The following MTM1 variants were observed in gnomAD, a reference collection of about 807,000 sequenced individuals.
MTM1 encodes the protein myotubularin 1.
MTM1 carries 9 observed loss-of-function variants against 52.1 expected under a neutral mutation model. That is an observed-to-expected ratio of 0.17 (90% CI 0.10 to 0.30). The LOEUF (loss-of-function observed/expected upper bound fraction) is 0.30, where lower values mean the gene tolerates loss of function less well. Ranked by LOEUF, MTM1 falls within the 10% of genes least tolerant of loss-of-function variation. MTM1 has a pLI of 1.00. For missense variants in MTM1, 277 were observed against 470.7 expected (o/e 0.59, Z 3.81); for synonymous variants, 136 against 163.8 (o/e 0.83, Z 1.29).
intron 6 of MTM1, among the ~76,000 whole-genome samples, chrX:150,626,747 A>C (rs2148471228): frequency 8.9e-6 from 1 of 111,934 alleles, no homozygotes. Context: ...GAAACAACTC[A>C]TTTTCAGAGG....
At chrX:150,615,812 C>G (rs1399403222) in intron 5 of MTM1, among the ~76,000 whole-genome samples, 2 of 112,017 alleles carry the variant, frequency 1.8e-5, no homozygotes, top group Non-Finnish European at 3.8e-5. Context: ...ATTATTAAAT[C>G]TTAACTGAAA....
At chrX:150,634,475 A>G (rs2039723028) in intron 6 of MTM1, among the ~76,000 whole-genome samples, 1 of 112,444 alleles carries the variant, frequency 8.9e-6, no homozygotes, top group African/African-American at 3.2e-5. Flanking sequence ...ATGACAAGTT[A>G]TATTCCCTAT....
intron 6 of MTM1, among the ~76,000 whole-genome samples, chrX:150,620,907 A>T (rs1354182645): frequency 1.8e-5 from 2 of 110,344 alleles, no homozygotes; most frequent in Non-Finnish European, 3.8e-5. Context: ...ACTTGAGGTC[A>T]GGAGTTCGAG....
At position 150,649,783 on chromosome X, in the gene MTM1, A is replaced by G; in HGVS notation, c.935A>G (p.His312Arg). 3.3e-6 allele frequency: 4 copies of G among 1,209,729 alleles called. No homozygotes were observed. Among genetic ancestry groups the G allele is most frequent in the East Asian group, 3.0e-5 (1 of 33,813 alleles). Residue 312 changes from histidine to arginine, a missense_variant, in exon 10 of 15, where the codon CAT becomes CGT. Physicochemically the swap from His to Arg is conservative, Grantham distance 29 (BLOSUM62 0). Around this residue, in one of 4 missense-constraint regions of MTM1, gnomAD observed 164 missense variants for 283.3 expected, o/e 0.58. Transcript: ENST00000370396. ...HNAELFFLDI[H>R]NIHVMRESLK... ...GCCGAACTTTTCTTCTTAGACATTCATAATATTCATGTTATGCGGGAATCT... is the reference window on the plus strand; with the variant it reads ...GCCGAACTTTTCTTCTTAGACATTCGTAATATTCATGTTATGCGGGAATCT...
At chrX:150,632,370 G>A (rs1557413596) in intron 6 of MTM1, among the ~76,000 whole-genome samples, 1 of 112,077 alleles carries the variant, frequency 8.9e-6, no homozygotes, top group Admixed American at 9.4e-5. Context: ...CAGCGTGCAT[G>A]TGGGGGTACC....
chrX:150,625,464 G>GTATTCTTATTAA (rs2039551881), intron 6 of MTM1, among the ~76,000 whole-genome samples: 1 of 111,775 alleles, frequency 8.9e-6, no homozygotes, highest in East Asian at 2.8e-4. Context: ...ATATAGATTA[G>GTATTCTTATTAA]TATTCTTATT....
At chrX:150,592,546 A>G in intron 1 of MTM1, 59 bp from the exon 2 acceptor site, 1 of 895,795 alleles carries the variant, frequency 1.1e-6, no homozygotes. Flanking sequence ...CTCAGATGTC[A>G]CATATGTTTG....
chrX:150,565,998 A>G (rs1036944377), upstream of MTM1, among the ~76,000 whole-genome samples: 13 of 103,731 alleles, frequency 1.3e-4, no homozygotes, highest in Admixed American at 1.4e-3. Context: ...ATTCCTACAC[A>G]CACACACACA....
In MTM1 at chrX:150,655,215, C is replaced by T. The variant is rs374607443; in HGVS notation, c.1054-2606C>T. 3.2e-3 allele frequency among the ~76,000 whole-genome samples: 342 copies of T among 108,100 alleles called. 2 individuals carry two copies. Among genetic ancestry groups the T allele is most frequent in the African/African-American group, 0.011 (317 of 29,571 alleles). The allele number at this position is 108,100 out of a possible 115,157, so 93.9% of individuals were successfully genotyped here. On this transcript the variant is annotated intron_variant, in intron 10 of 14. Coordinates refer to ENST00000370396, the MANE Select transcript of MTM1 (RefSeq NM_000252.3). ...TGGCGGGTGCCTGTAGTCCCAGCTA[C>T]TCGGGAGGCTGAGGCAGGAGAATGG...
At chrX:150,583,761 A>T (rs1201909066) in intron 1 of MTM1, among the ~76,000 whole-genome samples, 15 of 47,283 alleles carry the variant, frequency 3.2e-4, no homozygotes, top group African/African-American at 1.2e-3. Context: ...TATATATTAA[A>T]TTAATATATA....
In MTM1 at chrX:150,569,887, T is replaced by A. The variant is rs184537438; in HGVS notation, c.-11+1225T>A. Among the ~76,000 whole-genome samples, 623 of 112,114 alleles carry A rather than the reference T, an allele frequency of 5.6e-3. 3 individuals carry two copies. The highest frequency in any genetic ancestry group is 0.019 in the African/African-American group (596 of 30,833). On this transcript the variant is annotated intron_variant, in intron 1 of 14. Transcript: ENST00000370396. Reference sequence around the variant, plus strand: ...GGGCACGATCATGTATTCACCAGATTTGATTCTGAATGGCTTTTGGCTGCT... The same window carrying A: ...GGGCACGATCATGTATTCACCAGATATGATTCTGAATGGCTTTTGGCTGCT...
At chrX:150,635,387 C>A (rs2039738601) in intron 6 of MTM1, among the ~76,000 whole-genome samples, 1 of 111,406 alleles carries the variant, frequency 9.0e-6, no homozygotes, top group Non-Finnish European at 1.9e-5. Context: ...CAAAATTGAC[C>A]CAAGGTTATA....
intron 6 of MTM1, among the ~76,000 whole-genome samples, chrX:150,629,785 C>T (rs1308531538): frequency 9.0e-6 from 1 of 111,563 alleles, no homozygotes; most frequent in Non-Finnish European, 1.9e-5. Context: ...ATCTCCCTCC[C>T]GGCACACTTC....
chrX:150,599,847 T>G (rs2039039511), intron 4 of MTM1, among the ~76,000 whole-genome samples: 1 of 112,152 alleles, frequency 8.9e-6, no homozygotes, highest in Admixed American at 9.5e-5. Context: ...GTTCTAGATT[T>G]CCAGAATGGG....
At chrX:150,629,288 GC>G (rs1188796622) in intron 6 of MTM1, among the ~76,000 whole-genome samples, 1 of 111,861 alleles carries the variant, frequency 8.9e-6, no homozygotes, top group Admixed American at 9.4e-5. Flanking sequence ...GAGTTTGGCT[GC>G]CATTTGTGCC....
intron 11 of MTM1, among the ~76,000 whole-genome samples, chrX:150,659,339 A>G (rs1603206140): frequency 8.9e-6 from 1 of 112,138 alleles, no homozygotes; most frequent in East Asian, 2.8e-4. Flanking sequence ...CTAACATACT[A>G]TGTAGGATAA....
intron 4 of MTM1, among the ~76,000 whole-genome samples, chrX:150,607,643 A>G (rs782131048): frequency 3.6e-4 from 40 of 110,539 alleles, no homozygotes; most frequent in African/African-American, 1.2e-3. Context: ...CCTACCTCCT[A>G]AATATTATTT....
At chrX:150,669,337 CAT>C (rs782246357) in intron 14 of MTM1, among the ~76,000 whole-genome samples, 1 of 112,080 alleles carries the variant, frequency 8.9e-6, no homozygotes, top group Non-Finnish European at 1.9e-5. Flanking sequence ...CTGCAGTAAA[CAT>C]GTGTGCATGT....
intron 6 of MTM1, among the ~76,000 whole-genome samples, chrX:150,633,761 G>A (rs782694117): frequency 5.3e-5 from 6 of 112,252 alleles, no homozygotes; most frequent in Admixed American, 4.7e-4. Context: ...GCCAGATGCC[G>A]TGGCTCACGC....
Sources: gnomAD v4.1 joint callset for allele counts (sites outside exome capture counted in the v4.1 genomes callset) on GRCh38, gnomAD v4.1.1 for gene constraint, gnomAD v4.1.1 regional missense constraint, MANE v1.5 for transcripts, NCBI Gene and HGNC (gene_info 2026-07-23, HGNC 2026-07-21) for gene names.